The following LRMDA variants were observed in gnomAD, a reference collection of about 807,000 sequenced individuals.
The protein encoded by LRMDA is leucine-rich melanocyte differentiation-associated protein.
LRMDA carries 18 observed loss-of-function variants against 29.8 expected under a neutral mutation model. The observed-to-expected ratio is 0.60, with a 90% CI of 0.42 to 0.90. The LOEUF (loss-of-function observed/expected upper bound fraction) is 0.90, where lower values mean the gene tolerates loss of function less well. Ranked by LOEUF, LRMDA falls within the 40% of genes least tolerant of loss-of-function variation. The pLI, the probability that LRMDA is intolerant of heterozygous loss-of-function variation, is 0.00. For synonymous variants in LRMDA, 125 were observed against 109.4 expected (o/e 1.14, Z -0.89); for missense variants, 273 against 273.9 (o/e 1.00, Z 0.02).
At chr10:75,890,035 T>A (rs1342637497) in intron 2 of LRMDA, among the ~76,000 whole-genome samples, 1 of 152,106 alleles carries the variant, frequency 6.6e-6, no homozygotes, top group Non-Finnish European at 1.5e-5. Context: ...AGCAGAAACA[T>A]GGCCCCCTTA....
intron 2 of LRMDA, among the ~76,000 whole-genome samples, chr10:75,560,305 G>C (rs1840274522): frequency 6.6e-6 from 1 of 151,900 alleles, no homozygotes; most frequent in Non-Finnish European, 1.5e-5. Context: ...ATTGTGAATG[G>C]GAGTTCACTC....
intron 5 of LRMDA, among the ~76,000 whole-genome samples, chr10:76,169,616 T>C (rs1177155085): frequency 6.6e-6 from 1 of 152,122 alleles, no homozygotes; most frequent in African/African-American, 2.4e-5. Flanking sequence ...AGAAGAAAGA[T>C]TGGGTTAATC....
intron 2 of LRMDA, among the ~76,000 whole-genome samples, chr10:75,672,774 G>C (rs1331051164): frequency 6.7e-6 from 1 of 150,274 alleles, no homozygotes; most frequent in African/African-American, 2.5e-5. Context: ...GTTTCATCAT[G>C]TTGGCCAGGC....
chr10:75,648,077 A>G (rs1274416811), intron 2 of LRMDA, among the ~76,000 whole-genome samples: 1 of 152,184 alleles, frequency 6.6e-6, no homozygotes, highest in Non-Finnish European at 1.5e-5. Context: ...ATAACAGGGA[A>G]CCTGCTGATG....
intron 5 of LRMDA, among the ~76,000 whole-genome samples, chr10:76,110,591 G>C (rs1414126192): frequency 6.6e-6 from 1 of 152,150 alleles, no homozygotes; most frequent in Non-Finnish European, 1.5e-5. Flanking sequence ...CCCACGGGGA[G>C]GTAATTGAAT....
At chr10:75,971,726 A>G (rs544794622) in intron 2 of LRMDA, among the ~76,000 whole-genome samples, 1 of 152,300 alleles carries the variant, frequency 6.6e-6, no homozygotes, top group South Asian at 2.1e-4. Flanking sequence ...GGGTATTTCA[A>G]GACATTATCT....
At chr10:76,552,630 T>C (rs1363672855) in intron 6 of LRMDA, among the ~76,000 whole-genome samples, 1 of 152,254 alleles carries the variant, frequency 6.6e-6, no homozygotes, top group Non-Finnish European at 1.5e-5. Context: ...CCCTTGCCCT[T>C]GTTTTACAAA....
At chr10:76,520,979 TATA>T (rs1177054984) in intron 6 of LRMDA, among the ~76,000 whole-genome samples, 1 of 152,188 alleles carries the variant, frequency 6.6e-6, no homozygotes, top group African/African-American at 2.4e-5. Flanking sequence ...ACATATTTTC[TATA>T]ATATTAACTC....
At chr10:75,641,979 G>A (rs1841459601) in intron 2 of LRMDA, among the ~76,000 whole-genome samples, 1 of 152,162 alleles carries the variant, frequency 6.6e-6, no homozygotes, top group Non-Finnish European at 1.5e-5. Flanking sequence ...AAAGTGTATT[G>A]TACTCATAAC....
intron 2 of LRMDA, among the ~76,000 whole-genome samples, chr10:75,510,945 C>A (rs1845218081): frequency 6.6e-6 from 1 of 152,204 alleles, no homozygotes; most frequent in African/African-American, 2.4e-5. Context: ...GGAGGAAAAA[C>A]AAGGCAGTTG....
intron 5 of LRMDA, among the ~76,000 whole-genome samples, chr10:76,150,670 T>G (rs1482083338): frequency 6.6e-6 from 1 of 152,216 alleles, no homozygotes; most frequent in African/African-American, 2.4e-5. Flanking sequence ...GATCGAGCCT[T>G]GGGCCTTTGT....
intron 3 of LRMDA, among the ~76,000 whole-genome samples, chr10:76,036,560 TG>T (rs995505565): frequency 4.6e-5 from 7 of 152,186 alleles, no homozygotes; most frequent in African/African-American, 1.7e-4. Context: ...CTTCCTCTCC[TG>T]GGAGGTTTCT....
chr10:75,995,233 T>C (rs1246690293), intron 2 of LRMDA, among the ~76,000 whole-genome samples: 2 of 152,208 alleles, frequency 1.3e-5, no homozygotes, highest in Non-Finnish European at 2.9e-5. Flanking sequence ...GAGTAGTTTA[T>C]GACTCTTTCC....
At chr10:75,802,335 G>GCACACA (rs10571839) in intron 2 of LRMDA, among the ~76,000 whole-genome samples, 4,449 of 147,082 alleles carry the variant, frequency 0.03, 180 homozygotes, top group African/African-American at 0.097. Context: ...ACACACACGC[G>GCACACA]CACACACACA....
intron 6 of LRMDA, among the ~76,000 whole-genome samples, chr10:76,375,221 A>G (rs565135297): frequency 3.6e-4 from 55 of 152,320 alleles, no homozygotes; most frequent in Admixed American, 2.2e-3. Context: ...GAAAAGGACA[A>G]CTGACTATAC....
intron 6 of LRMDA, among the ~76,000 whole-genome samples, chr10:76,414,295 ACT>A (rs1841992344): frequency 6.6e-6 from 1 of 152,138 alleles, no homozygotes; most frequent in African/African-American, 2.4e-5. Flanking sequence ...TTACATACAA[ACT>A]CTATTAGGAC....
At chr10:76,290,254 T>G (rs1364599682) in intron 5 of LRMDA, among the ~76,000 whole-genome samples, 2 of 152,256 alleles carry the variant, frequency 1.3e-5, no homozygotes, top group East Asian at 3.9e-4. Flanking sequence ...ACATTAGCCC[T>G]TAAACATATT....
intron 2 of LRMDA, among the ~76,000 whole-genome samples, chr10:75,469,310 G>A (rs1844698214): frequency 6.6e-6 from 1 of 151,658 alleles, no homozygotes; most frequent in Admixed American, 6.6e-5. Flanking sequence ...TGAGTCACTG[G>A]GGGAGCATCA....
chr10:75,556,143 T>C (rs566151955), intron 2 of LRMDA, among the ~76,000 whole-genome samples: 1 of 152,046 alleles, frequency 6.6e-6, no homozygotes, highest in Non-Finnish European at 1.5e-5. Context: ...ATGAATGATA[T>C]AAATGTAGAG....
Sources: gnomAD v4.1 joint callset for allele counts (sites outside exome capture counted in the v4.1 genomes callset) on GRCh38, gnomAD v4.1.1 for gene constraint, MANE v1.5 for transcripts, NCBI Gene and HGNC (gene_info 2026-07-23, HGNC 2026-07-21) for gene names.